ANK3: variants seen among roughly 807,000 people sequenced by gnomAD.
The protein encoded by ANK3 is ankyrin-3.
Under a neutral mutation model 370.9 loss-of-function variants are expected in ANK3, and 57 were observed. That is an observed-to-expected ratio of 0.15 (90% CI 0.12 to 0.19). The LOEUF is 0.19. Among genes scored for constraint, ANK3 ranks in the 10% least tolerant of loss-of-function variants. ANK3 has a pLI of 1.00. For missense variants in ANK3, 4,439 were observed against 5,302.1 expected, an observed-to-expected ratio of 0.84 and a Z score of 5.06; for synonymous variants, 1,929 against 1,946.3, an observed-to-expected ratio of 0.99 and a Z score of 0.23.
At chr10:60,537,673 T>C (rs2076754835) in intron 2 of ANK3, among the ~76,000 whole-genome samples, 1 of 152,010 alleles carries the variant, frequency 6.6e-6, no homozygotes, top group Non-Finnish European at 1.5e-5. Flanking sequence ...CATTAATTTC[T>C]GTATCATAAA....
At chr10:60,311,104 C>T (rs2046249914) in intron 1 of ANK3, among the ~76,000 whole-genome samples, 1 of 152,170 alleles carries the variant, frequency 6.6e-6, no homozygotes, top group Admixed American at 6.5e-5. Context: ...GAAAAACCAT[C>T]TTCTGGTGGT....
chr10:60,088,307 G>C lies in ANK3; in HGVS notation c.3380C>G (p.Thr1127Arg). The change falls in exon 29 of 44, where the codon ACG (threonine) becomes AGG (arginine). Residue 1127 changes from threonine (T) to arginine (R), a missense_variant. Thr to Arg is a moderately conservative substitution (Grantham distance 71). Around this residue, in one of 13 missense-constraint regions of ANK3, gnomAD observed 702 missense variants for 941.5 expected, o/e 0.75. Coordinates refer to ENST00000280772, the MANE Select transcript of ANK3 (RefSeq NM_020987.5). ...LGKKRICRIITKDFPQYFAVV... is the reference protein window; with the variant it reads ...LGKKRICRIIRKDFPQYFAVV... The stretch of plus-strand genomic sequence containing the variant: ...TGCAAAATACTGGGGGAAATCTTTC[G>C]TGATAATCCTGCAGATACGCTTTTT... 1 of 1,614,182 alleles carries C rather than the reference G, an allele frequency of 6.2e-7. No individual in the cohort carries two copies. Among genetic ancestry groups the C allele is most frequent in the Non-Finnish European group, 8.5e-7 (1 of 1,180,014 alleles).
intron 1 of ANK3, among the ~76,000 whole-genome samples, chr10:60,329,979 CCACA>C (rs1218758715): frequency 1.3e-5 from 2 of 152,098 alleles, no homozygotes; most frequent in Non-Finnish European, 2.9e-5. Flanking sequence ...AGAAATAAAG[CCACA>C]CATATACAAC....
chr10:60,056,206 A>T (rs924966550), intron 41 of ANK3, among the ~76,000 whole-genome samples, 170 bp from the exon 42 acceptor site: 1 of 152,238 alleles, frequency 6.6e-6, no homozygotes, highest in African/African-American at 2.4e-5. Context: ...GCAGTGGCTC[A>T]TGCCTGTAAT....
intron 1 of ANK3, among the ~76,000 whole-genome samples, chr10:60,694,510 AC>A (rs1464681238): frequency 6.6e-6 from 1 of 152,054 alleles, no homozygotes; most frequent in Non-Finnish European, 1.5e-5. Flanking sequence ...AGGTCGGGTT[AC>A]CCTCAAAGGG....
chr10:60,319,990 G>A (rs1206740651), intron 1 of ANK3, among the ~76,000 whole-genome samples: 1 of 152,146 alleles, frequency 6.6e-6, no homozygotes, highest in African/African-American at 2.4e-5. Flanking sequence ...AGCCTTCTGT[G>A]TCCCTTCTTC....
At chr10:60,577,836 T>C (rs994050202) in intron 2 of ANK3, among the ~76,000 whole-genome samples, 3 of 152,206 alleles carry the variant, frequency 2.0e-5, no homozygotes, top group African/African-American at 4.8e-5. Context: ...TGAGTCTTCA[T>C]ATTGAAAAAT....
Position 60,634,101 on chromosome 10 carries a change from A to T in ANK3, c.58-18877T>A, listed in dbSNP as rs903485725. Among the ~76,000 whole-genome samples, 3 of 152,334 alleles carry T rather than the reference A, an allele frequency of 2.0e-5. No individual in the cohort carries two copies. In the East Asian group the frequency reaches 5.8e-4, roughly 29 times the overall value. ...AGTGGAGAATAGTTCACTTCAATTG[A>T]TTCACTAATTCTGTATAATGGGATA... On this transcript the variant is annotated intron_variant, in intron 1 of 43. Transcript: ENST00000373827.
intron 9 of ANK3, among the ~76,000 whole-genome samples, chr10:60,209,107 T>C (rs904205026): frequency 5.3e-5 from 8 of 152,188 alleles, no homozygotes; most frequent in Non-Finnish European, 7.4e-5. Context: ...GCTATGAAGA[T>C]GTCAGTCCTT....
chr10:60,172,084 A>G (rs1384895904), intron 21 of ANK3, among the ~76,000 whole-genome samples: 1 of 152,250 alleles, frequency 6.6e-6, no homozygotes, highest in Non-Finnish European at 1.5e-5. Flanking sequence ...TAAAAACTCT[A>G]TAGCTACAGA....
At chr10:60,059,530 G>A (rs1467803684) in intron 40 of ANK3, 100 bp from the exon 41 acceptor site, 3 of 1,262,306 alleles carry the variant, frequency 2.4e-6, no homozygotes, top group Admixed American at 1.7e-5. Flanking sequence ...CCTTCTTCAA[G>A]TTGAATGTCC....
intron 1 of ANK3, among the ~76,000 whole-genome samples, chr10:60,627,053 G>A (rs867742095): frequency 9.2e-5 from 14 of 151,950 alleles, no homozygotes; most frequent in African/African-American, 2.7e-4. Context: ...GAGAAGCAAC[G>A]GACTGAAGAC....
chr10:60,354,935 T>C (rs1165210068), intron 1 of ANK3, among the ~76,000 whole-genome samples: 1 of 152,184 alleles, frequency 6.6e-6, no homozygotes, highest in Non-Finnish European at 1.5e-5. Context: ...TTCTGCTAAA[T>C]AAATACCCTG....
chr10:60,172,817 T>C, intron 20 of ANK3, 83 bp downstream of exon 20: 2 of 826,610 alleles, frequency 2.4e-6, no homozygotes, highest in Non-Finnish European at 4.0e-6. Context: ...TTCATGAAAG[T>C]ACAATGAAAA....
intron 2 of ANK3, among the ~76,000 whole-genome samples, chr10:60,496,257 C>A (rs1238274653): frequency 6.6e-6 from 1 of 152,146 alleles, no homozygotes; most frequent in African/African-American, 2.4e-5. Context: ...CAGTACTTAC[C>A]AATTCAAACA....
chr10:60,144,116 A>C (rs2094698111), intron 23 of ANK3: 2 of 354,302 alleles, frequency 5.6e-6, no homozygotes, highest in Admixed American at 8.1e-5. Context: ...CAATCTCATA[A>C]AAGATCCCAA....
Position 60,070,427 on chromosome 10 carries a change from G to C in ANK3, c.10454C>G (p.Ser3485Cys), listed in dbSNP as rs748867182. 5 of 1,614,094 alleles carry C rather than the reference G, an allele frequency of 3.1e-6. No individual in the cohort carries two copies. Among genetic ancestry groups the C allele is most frequent in the Non-Finnish European group, 3.4e-6 (4 of 1,180,016 alleles). ...CTTATCAGGAGTCTTTTCAGATGAA[G>C]AACTTTTAGAAGGTGGCTTGTCCTC... ...PDEDKPPSKS[S>C]SSEKTPDKTD... is the part of the protein sequence containing the mutation. Residue 3485 changes from serine to cysteine, a missense_variant, in exon 37 of 44, where the codon TCT becomes TGT. By Grantham distance (112) the Ser-to-Cys change is moderately radical. This residue lies in a region of ANK3 where 1,601 missense variants were observed against 1,731.7 expected (regional missense o/e 0.92). Transcript: ENST00000280772. This position sits in a 1 kb window ranked among gnomAD's most constrained non-coding sequence, Gnocchi z 5.7.
chr10:60,430,506 G>T (rs2063992938), intron 2 of ANK3, among the ~76,000 whole-genome samples: 1 of 152,106 alleles, frequency 6.6e-6, no homozygotes, highest in African/African-American at 2.4e-5. Context: ...TCGGGGTGAC[G>T]ATGTAATTCT....
intron 7 of ANK3, among the ~76,000 whole-genome samples, chr10:60,235,394 T>G (rs1057272747): frequency 2.6e-5 from 4 of 152,166 alleles, no homozygotes; most frequent in African/African-American, 2.4e-5. Context: ...ATAACCAGAT[T>G]GTTAGGATTA....
Sources: gnomAD v4.1 joint callset for allele counts (sites outside exome capture counted in the v4.1 genomes callset) on GRCh38, gnomAD v4.1.1 for gene constraint, gnomAD v4.1.1 regional missense constraint, Gnocchi (gnomAD v3.1) non-coding constraint, MANE v1.5 for transcripts, NCBI Gene and HGNC (gene_info 2026-07-23, HGNC 2026-07-21) for gene names.